The following NAALADL2 variants were observed in gnomAD, a reference collection of about 807,000 sequenced individuals.
NAALADL2 encodes the protein N-acetylated alpha-linked acidic dipeptidase like 2.
In NAALADL2, 76 loss-of-function variants were observed where a neutral mutation model predicts 87.2. The observed-to-expected ratio is 0.87, with a 90% CI of 0.72 to 1.05. The LOEUF is 1.05. Among genes scored for constraint, NAALADL2 ranks in the 50% least tolerant of loss-of-function variants. The probability of loss-of-function intolerance (pLI) is 0.00; values close to 1 mark genes in which losing one functional copy is unlikely to be tolerated. For synonymous variants in NAALADL2, 354 were observed against 331.0 expected, an observed-to-expected ratio of 1.07 and a Z score of -0.75; for missense variants, 1,089 against 945.8, an observed-to-expected ratio of 1.15 and a Z score of -1.99.
At chr3:175,561,976 A>G (rs2149517279) in intron 9 of NAALADL2, among the ~76,000 whole-genome samples, 1 of 152,348 alleles carries the variant, frequency 6.6e-6, no homozygotes, top group East Asian at 1.9e-4. Flanking sequence ...GGGAGGACAT[A>G]CTAAATAATC....
At chr3:175,343,664 T>TG (rs58158886) in intron 5 of NAALADL2, among the ~76,000 whole-genome samples, 1,966 of 140,198 alleles carry the variant, frequency 0.014, 106 homozygotes, top group African/African-American at 0.051. Context: ...TGTTTTTTTT[T>TG]TTTTTTTTTT....
intron 2 of NAALADL2, among the ~76,000 whole-genome samples, chr3:175,135,648 G>C (rs936512847): frequency 1.3e-5 from 2 of 152,098 alleles, no homozygotes; most frequent in Non-Finnish European, 2.9e-5. Flanking sequence ...TAGAAATAAA[G>C]TGCAGATCAT....
At chr3:174,613,752 G>A (rs1479568944) in intron 2 of NAALADL2, among the ~76,000 whole-genome samples, 1 of 152,192 alleles carries the variant, frequency 6.6e-6, no homozygotes, top group Non-Finnish European at 1.5e-5. Context: ...CAGGGCCCAA[G>A]AGTCCATTTG....
intron 1 of NAALADL2, among the ~76,000 whole-genome samples, chr3:174,547,761 T>A (rs1451763005): frequency 6.6e-6 from 1 of 152,154 alleles, no homozygotes; most frequent in Admixed American, 6.5e-5. Context: ...TGGGACATAG[T>A]TTGGTGAGAA....
chr3:175,635,543 A>T (rs1728405143), intron 11 of NAALADL2, among the ~76,000 whole-genome samples: 1 of 152,180 alleles, frequency 6.6e-6, no homozygotes, highest in South Asian at 2.1e-4. Context: ...ACAATTTTTT[A>T]AGGGCAGAAG....
intron 11 of NAALADL2, among the ~76,000 whole-genome samples, chr3:175,655,161 G>A (rs937477824): frequency 3.9e-5 from 6 of 151,992 alleles, no homozygotes; most frequent in African/African-American, 1.4e-4. Flanking sequence ...ATGATGCCAT[G>A]TACTCTTTGC....
intron 2 of NAALADL2, among the ~76,000 whole-genome samples, chr3:175,179,681 T>C (rs1216239741): frequency 2.0e-5 from 3 of 152,040 alleles, no homozygotes; most frequent in Non-Finnish European, 2.9e-5. Flanking sequence ...AGAGACTTGA[T>C]CTTAGCTACT....
chr3:175,444,210 T>C (rs560230416), intron 5 of NAALADL2, among the ~76,000 whole-genome samples: 158 of 152,266 alleles, frequency 1.0e-3, no homozygotes, highest in South Asian at 2.7e-3. Flanking sequence ...GTTTCCGCAA[T>C]CATGAAAACT....
chr3:175,707,769 A>T (rs1739928770), intron 11 of NAALADL2, among the ~76,000 whole-genome samples: 1 of 152,114 alleles, frequency 6.6e-6, no homozygotes, highest in South Asian at 2.1e-4. Context: ...CAGAAAATAT[A>T]CAGTGTAAAA....
chr3:174,585,662 G>GC (rs1553791862), intron 2 of NAALADL2, among the ~76,000 whole-genome samples: 1 of 142,144 alleles, frequency 7.0e-6, no homozygotes, highest in Non-Finnish European at 1.6e-5. Context: ...AGTTTTTTTT[G>GC]TTTTTTTTTT....
At chr3:174,916,663 A>G (rs1025527164) in intron 1 of NAALADL2, among the ~76,000 whole-genome samples, 2 of 152,096 alleles carry the variant, frequency 1.3e-5, no homozygotes, top group African/African-American at 2.4e-5. Flanking sequence ...GAGCTAAGCT[A>G]TGAGGACACA....
chr3:175,399,969 A>C (rs555726227), intron 5 of NAALADL2, among the ~76,000 whole-genome samples: 1 of 152,248 alleles, frequency 6.6e-6, no homozygotes, highest in Admixed American at 6.6e-5. Flanking sequence ...CTCTGAAGTG[A>C]AGATATTAAT....
chr3:175,160,371 T>TTTTTTTTTTTTTTTTTTTTTTTTTTTTC (rs1732993759), intron 2 of NAALADL2, among the ~76,000 whole-genome samples: 1 of 116,654 alleles, frequency 8.6e-6, no homozygotes, highest in Non-Finnish European at 1.7e-5. Context: ...TTTTTTTTTT[T>TTTTTTTTTTTTTTTTTTTTTTTTTTTTC]TTTTTTTTTT....
At chr3:175,602,222 T>C (rs771118929) in intron 10 of NAALADL2, among the ~76,000 whole-genome samples, 5 of 152,100 alleles carry the variant, frequency 3.3e-5, no homozygotes, top group Non-Finnish European at 7.4e-5. Context: ...TGATATAGTT[T>C]AGTATACAGG....
At chr3:174,566,759 T>G (rs1714324386) in intron 2 of NAALADL2, among the ~76,000 whole-genome samples, 1 of 151,748 alleles carries the variant, frequency 6.6e-6, no homozygotes, top group South Asian at 2.1e-4. Flanking sequence ...AAAGTTTTCC[T>G]CTTGTTTCAT....
At chr3:175,618,382 TAGG>T (rs1424495177) in intron 10 of NAALADL2, among the ~76,000 whole-genome samples, 2 of 152,144 alleles carry the variant, frequency 1.3e-5, no homozygotes, top group African/African-American at 4.8e-5. Context: ...AGGGGTGGAC[TAGG>T]AGGAGTAGGA....
intron 9 of NAALADL2, among the ~76,000 whole-genome samples, chr3:175,561,287 AC>A (rs1457574587): frequency 1.3e-5 from 2 of 152,156 alleles, no homozygotes; most frequent in Non-Finnish European, 2.9e-5. Context: ...TACTTATAAT[AC>A]CTAATACAAC....
upstream of NAALADL2, among the ~76,000 whole-genome samples, chr3:174,855,008 T>G (rs189382180): frequency 6.2e-4 from 94 of 151,944 alleles, no homozygotes; most frequent in East Asian, 0.016. Flanking sequence ...TGGCTAATTT[T>G]TGTAGGTTTT....
chr3:175,445,366 A>G (rs780426815), intron 5 of NAALADL2, among the ~76,000 whole-genome samples: 11 of 152,170 alleles, frequency 7.2e-5, no homozygotes, highest in Non-Finnish European at 1.5e-4. Context: ...GGTTTAATTT[A>G]TAAAAATGTC....
Sources: gnomAD v4.1 joint callset for allele counts (sites outside exome capture counted in the v4.1 genomes callset) on GRCh38, gnomAD v4.1.1 for gene constraint, MANE v1.5 for transcripts, NCBI Gene and HGNC (gene_info 2026-07-23, HGNC 2026-07-21) for gene names.